ACOX2: variants seen among roughly 807,000 people sequenced by gnomAD.
The protein encoded by ACOX2 is peroxisomal acyl-coenzyme A oxidase 2.
Under a neutral mutation model 77.5 loss-of-function variants are expected in ACOX2, and 59 were observed. That is an observed-to-expected ratio of 0.76 (90% CI 0.62 to 0.95). The LOEUF (loss-of-function observed/expected upper bound fraction) is 0.95, where lower values mean the gene tolerates loss of function less well. Among genes scored for constraint, ACOX2 ranks in the 40% least tolerant of loss-of-function variants. The pLI is 0.00. For missense variants in ACOX2, 837 were observed against 880.4 expected (o/e 0.95, Z 0.62); for synonymous variants, 317 against 340.1 (o/e 0.93, Z 0.75).
Position 58,536,471 on chromosome 3 carries a change from G to GCATGTAATGCAACCT in ACOX2, c.-92+647_-92+648insAGGTTGCATTACATG, listed in dbSNP as rs2063482095. Among the ~76,000 whole-genome samples the GCATGTAATGCAACCT allele has an allele frequency of 2.6e-5, 4 of 152,322 alleles. No homozygotes were observed. The South Asian group carries it at 8.3e-4, about 32-fold the overall frequency. On this transcript the variant is annotated intron_variant, in intron 1 of 14. Coordinates refer to ENST00000302819, the MANE Select transcript of ACOX2 (RefSeq NM_003500.4). ...TATAAGGGTCATGCAACCACATGTA[G>GCATGTAATGCAACCT]CAAATGATTCATATGAGGCTTTCAA...
At position 58,517,211 on chromosome 3, in the gene ACOX2, C is replaced by T. The variant is rs2063327117; in HGVS notation, c.1845G>A (p.Leu615=). The T allele has an allele frequency of 6.2e-7, 1 of 1,613,826 alleles. No homozygotes were observed. The highest frequency in any genetic ancestry group is 1.1e-5 in the South Asian group (1 of 91,024). Residue 615 remains leucine (L), a synonymous_variant, in exon 13 of 15, where the codon CTG becomes CTA. Coordinates refer to ENST00000302819, the MANE Select transcript of ACOX2 (RefSeq NM_003500.4). ...ARTAYLDLLR[L]IRKDAILLTD... ...TTGAAGTCTCTGCCACTCACCGGAT[C>T]AGGCGGAGCAGGTCCAGGTAGGCTG... is the stretch of plus-strand genomic sequence containing the variant.
At chr3:58,532,886 G>C (rs1175585172) in intron 5 of ACOX2, among the ~76,000 whole-genome samples, 1 of 152,150 alleles carries the variant, frequency 6.6e-6, no homozygotes, top group African/African-American at 2.4e-5. Context: ...CCCTCGTTGG[G>C]GCTTGGTAAA....
At position 58,521,060 on chromosome 3, in the gene ACOX2, T is replaced by C. The variant is rs576675433; in HGVS notation, c.1632+1436A>G. 3.9e-4 allele frequency among the ~76,000 whole-genome samples: 59 copies of C among 152,298 alleles called. No individual in the cohort carries two copies. The highest frequency in any genetic ancestry group is 1.4e-3 in the African/African-American group (58 of 41,564). The stretch of plus-strand genomic sequence containing the variant: ...GCAGGCCATAGGTTTGGAAAATGAA[T>C]GAGTGGATAATGGGTGGCTGTGGTT... On this transcript the variant is annotated intron_variant, in intron 12 of 14. Transcript: ENST00000302819. The surrounding 1 kb of genome is among the most constrained non-coding windows in gnomAD (Gnocchi z 4.8).
In ACOX2 at chr3:58,534,949, A is replaced by G; in HGVS notation, c.158T>C (p.Val53Ala). Residue 53 changes from valine to alanine, a missense_variant and splice_region_variant, in exon 2 of 15, where the codon GTT (valine) becomes GCT (alanine). Physicochemically the swap from Val to Ala is moderately conservative, Grantham distance 64. Transcript: ENST00000302819. The surrounding 1 kb of genome is among the most constrained non-coding windows in gnomAD (Gnocchi z 4.8). The part of the protein sequence containing the change: ...GAQNTALRRK[V>A]ESIIHSYPEF... ...CCCATTCCCCAGCTTCCCCTTACCA[A>G]CTTTCCTGCGGAGTGCAGTGTTCTG... 1 of 1,614,080 alleles carries G rather than the reference A, an allele frequency of 6.2e-7. No individual in the cohort carries two copies. The highest frequency in any genetic ancestry group is 8.5e-7 in the Non-Finnish European group (1 of 1,179,952).
intron 12 of ACOX2, among the ~76,000 whole-genome samples, chr3:58,518,194 G>C (rs1352574191): frequency 6.6e-6 from 1 of 151,758 alleles, no homozygotes; most frequent in Non-Finnish European, 1.5e-5. Context: ...GGGTGAGAAA[G>C]TTTCAAGATA....
intron 12 of ACOX2, among the ~76,000 whole-genome samples, chr3:58,517,700 G>T (rs1247680009): frequency 1.3e-5 from 2 of 152,038 alleles, no homozygotes; most frequent in African/African-American, 4.8e-5. Flanking sequence ...CAAGTAGGTT[G>T]GAAAGTAGAA....
In ACOX2 at chr3:58,530,666, T is replaced by A. The variant is rs762732026; in HGVS notation, c.820-28A>T. 3.1e-6 allele frequency: 5 copies of A among 1,605,010 alleles called. No homozygotes were observed. The South Asian group carries it at 4.4e-5, about 14-fold the overall frequency. ...GTGTGGAACAAGGACGGGCACAAGT[T>A]CTGGGCCAAGGCTTCCCAGGATGCC... On this transcript the variant is annotated intron_variant, in intron 7 of 14. Coordinates refer to ENST00000302819, the MANE Select transcript of ACOX2 (RefSeq NM_003500.4).
At position 58,534,346 on chromosome 3, in the gene ACOX2, C is replaced by T. The variant is rs879052281; in HGVS notation, c.323+14G>A. 1.2e-5 allele frequency: 20 copies of T among 1,613,614 alleles called. No individual in the cohort carries two copies. Among genetic ancestry groups the T allele is most frequent in the African/African-American group, 9.3e-5 (7 of 74,914 alleles). On this transcript the variant is annotated intron_variant, in intron 3 of 14. Coordinates refer to ENST00000302819, the MANE Select transcript of ACOX2 (RefSeq NM_003500.4). This position sits in a 1 kb window ranked among gnomAD's most constrained non-coding sequence, Gnocchi z 4.8. The stretch of plus-strand genomic sequence containing the variant: ...TAGATCCCTCTCTAGTGGGGCTGCT[C>T]GAGGAGTGAGCACCTGTAAGCGTAG...
Position 58,535,281 on chromosome 3 carries a change from C to T in ACOX2, c.-91-84G>A. On this transcript the variant is annotated intron_variant, in intron 1 of 14. Transcript: ENST00000302819. This position sits in a 1 kb window ranked among gnomAD's most constrained non-coding sequence, Gnocchi z 4.8. ...AAGACATCCCTAAGTACCTGAATGC[C>T]ACTCCACCTCCCCACTCCCCCTGTG... 4.3e-6 allele frequency: 3 copies of T among 698,472 alleles called. No individual in the cohort carries two copies. The highest frequency in any genetic ancestry group is 7.3e-6 in the Non-Finnish European group (3 of 412,232). The allele number at this position is 698,472 out of a possible 1,614,324, so 43.3% of individuals were successfully genotyped here.
intron 13 of ACOX2, among the ~76,000 whole-genome samples, chr3:58,516,094 A>C (rs1015282776): frequency 6.6e-6 from 1 of 152,156 alleles, no homozygotes; most frequent in Admixed American, 6.5e-5. Context: ...GTGTGAAAGC[A>C]CTGCATTAGT....
chr3:58,516,874 A>G (rs1199590272), intron 13 of ACOX2, among the ~76,000 whole-genome samples: 1 of 152,126 alleles, frequency 6.6e-6, no homozygotes, highest in Non-Finnish European at 1.5e-5. Flanking sequence ...GCTATGGTTG[A>G]GACTATTATT....
chr3:58,529,561 C>A (rs745880028), intron 8 of ACOX2, among the ~76,000 whole-genome samples: 46 of 152,154 alleles, frequency 3.0e-4, no homozygotes, highest in Non-Finnish European at 5.1e-4. Context: ...GCTTACCTGG[C>A]GCATCTTTCT....
chr3:58,534,423 A>G lies in ACOX2; in HGVS notation c.260T>C (p.Ile87Thr). ...YKAAMRRAFH[I>T]RLIARRLGWL... ...ACCCAGGCGCCGAGCTATCAACCGGATGTGGAATGCCCTCCGCATGGCAGC... is the reference window on the plus strand; with the variant it reads ...ACCCAGGCGCCGAGCTATCAACCGGGTGTGGAATGCCCTCCGCATGGCAGC... Residue 87 changes from isoleucine to threonine, a missense_variant, in exon 3 of 15, where the codon ATC becomes ACC. Physicochemically the swap from Ile to Thr is moderately conservative, Grantham distance 89. Transcript: ENST00000302819. This position sits in a 1 kb window ranked among gnomAD's most constrained non-coding sequence, Gnocchi z 4.8. The G allele has an allele frequency of 6.2e-7, 1 of 1,614,100 alleles. No individual in the cohort carries two copies. The highest frequency in any genetic ancestry group is 8.5e-7 in the Non-Finnish European group (1 of 1,180,018).
chr3:58,531,262 G>A lies in ACOX2; in HGVS notation c.808C>T (p.Arg270Cys), dbSNP rs776820069. 5.0e-6 allele frequency: 8 copies of A among 1,612,578 alleles called. No individual in the cohort carries two copies. The highest frequency in any genetic ancestry group is 1.3e-5 in the African/African-American group (1 of 74,878). ...VRVPRENMLS[R>C]FAQVLPDGTY... The stretch of plus-strand genomic sequence containing the variant: ...CCCAGATCTGTAACCTGTGCAAAGC[G>A]ACTCAGCATGTTCTCCCTGGGGACC... Residue 270 changes from arginine (R) to cysteine (C), a missense_variant, in exon 7 of 15, where the codon CGC (arginine) becomes TGC (cysteine). By Grantham distance (180) the Arg-to-Cys change is radical (BLOSUM62 -3). Transcript: ENST00000302819. This position sits in a 1 kb window ranked among gnomAD's most constrained non-coding sequence, Gnocchi z 5.8.
chr3:58,525,024 C>T lies in ACOX2; in HGVS notation c.1347-419G>A, dbSNP rs2108002203. Among the ~76,000 whole-genome samples the T allele has an allele frequency of 6.6e-6, 1 of 152,336 alleles. No homozygotes were observed. The highest frequency in any genetic ancestry group is 2.4e-5 in the African/African-American group (1 of 41,576). On this transcript the variant is annotated intron_variant, in intron 10 of 14. Transcript: ENST00000302819. The surrounding 1 kb of genome is among the most constrained non-coding windows in gnomAD (Gnocchi z 5.0). The stretch of plus-strand genomic sequence containing the variant: ...GAGGATTATAGGTGACTCTCAACTG[C>T]TGCTTTAGGATAATCCAGTGGTTAC...
intron 12 of ACOX2, among the ~76,000 whole-genome samples, chr3:58,520,389 G>A (rs1360977113): frequency 6.6e-6 from 1 of 152,248 alleles, no homozygotes; most frequent in African/African-American, 2.4e-5. Flanking sequence ...TTGTTCCCAT[G>A]GTCCTGGAGA....
rs1213098216 is a variant in ACOX2, at chr3:58,517,402, C to G, written c.1654G>C (p.Val552Leu). 1.2e-6 allele frequency: 2 copies of G among 1,614,150 alleles called. No homozygotes were observed. The highest frequency in any genetic ancestry group is 3.3e-5 in the Admixed American group (2 of 60,022). The part of the protein sequence containing the change: ...AAKVHCYYVT[V>L]KGFTEALEKL... ...TCCAGAGCTTCTGTAAAACCCTTCA[C>G]AGTGACATAGTAGCAGTGCACCTAC... The change falls in exon 13 of 15, where the codon GTG becomes CTG. Residue 552 changes from valine to leucine, a missense_variant. Coordinates refer to ENST00000302819, the MANE Select transcript of ACOX2 (RefSeq NM_003500.4).
Position 58,521,083 on chromosome 3 carries a change from G to A in ACOX2, c.1632+1413C>T, listed in dbSNP as rs183154725. 7.0e-4 allele frequency among the ~76,000 whole-genome samples: 106 copies of A among 152,364 alleles called. No individual in the cohort carries two copies. The highest frequency in any genetic ancestry group is 2.4e-3 in the African/African-American group (101 of 41,584). On this transcript the variant is annotated intron_variant, in intron 12 of 14. Transcript: ENST00000302819. This position sits in a 1 kb window ranked among gnomAD's most constrained non-coding sequence, Gnocchi z 4.8. ...AATGAGTGGATAATGGGTGGCTGTGGTTTCTGTTTTGGTGATCCAGTGAAA... is the reference window on the plus strand; with the variant it reads ...AATGAGTGGATAATGGGTGGCTGTGATTTCTGTTTTGGTGATCCAGTGAAA...
At position 58,525,761 on chromosome 3, in the gene ACOX2, G is replaced by A. The variant is rs1300904559; in HGVS notation, c.1346+705C>T. Among the ~76,000 whole-genome samples the A allele has an allele frequency of 6.6e-6, 1 of 152,186 alleles. No individual in the cohort carries two copies. The highest frequency in any genetic ancestry group is 2.4e-5 in the African/African-American group (1 of 41,440). ...GAGGTGGCTGGGTGCGGTGGCTTGT[G>A]CCTGTAATCCCAGCACTTTGGGAGG... On this transcript the variant is annotated intron_variant, in intron 10 of 14. Transcript: ENST00000302819. This position sits in a 1 kb window ranked among gnomAD's most constrained non-coding sequence, Gnocchi z 5.0.
Sources: allele counts gnomAD v4.1 joint callset (sites outside exome capture counted in the v4.1 genomes callset), GRCh38; gene constraint gnomAD v4.1.1; non-coding constraint Gnocchi (gnomAD v3.1); transcripts MANE v1.5; gene names NCBI Gene and HGNC (gene_info 2026-07-23, HGNC 2026-07-21).